The following RYR3 variants were observed in gnomAD, a reference collection of about 807,000 sequenced individuals.
The protein encoded by RYR3 is ryanodine receptor 3.
Under a neutral mutation model 584.3 loss-of-function variants are expected in RYR3, and 207 were observed. The observed-to-expected ratio is 0.35, with a 90% CI of 0.32 to 0.40. RYR3 has a LOEUF of 0.40. RYR3 is among the 10% of genes least tolerant of loss of function. The pLI is 1.00. For synonymous variants in RYR3, 2,416 were observed against 2,248.5 expected, an observed-to-expected ratio of 1.07 and a Z score of -2.11; for missense variants, 5,616 against 6,089.2, an observed-to-expected ratio of 0.92 and a Z score of 2.59.
At chr15:33,658,422 C>T in intron 32 of RYR3, among the ~76,000 whole-genome samples, 1 of 152,202 alleles carries the variant, frequency 6.6e-6, no homozygotes, top group East Asian at 1.9e-4. Flanking sequence ...CTCCAGTCCA[C>T]CAAGATGAAG....
At chr15:33,805,306 G>A (rs2076124580) in intron 69 of RYR3, among the ~76,000 whole-genome samples, 1 of 152,066 alleles carries the variant, frequency 6.6e-6, no homozygotes, top group South Asian at 2.1e-4. Context: ...ATTGTTCAAA[G>A]CCACTCCACC....
chr15:33,434,877 G>T (rs1427879719), intron 1 of RYR3, among the ~76,000 whole-genome samples: 1 of 152,144 alleles, frequency 6.6e-6, no homozygotes, highest in Non-Finnish European at 1.5e-5. Context: ...GAGTGCAGTG[G>T]TGCGATCTTG....
At position 33,844,921 on chromosome 15, in the gene RYR3, T is replaced by C. The variant is rs769087993; in HGVS notation, c.13356T>C (p.Phe4452=). The change falls in exon 93 of 104, where the codon TTT becomes TTC. Residue 4452 remains phenylalanine, a synonymous_variant. Transcript: ENST00000634891. ...ATGTTGCAAACCTATGGAATTCCTT[T>C]AATGACGAGGAAGAGGAAGAAGCGA... is the stretch of plus-strand genomic sequence containing the variant. ...TEDVANLWNS[F]NDEEEEEAMV... is the part of the protein sequence containing the mutation. 3 of 1,614,026 alleles carry C rather than the reference T, an allele frequency of 1.9e-6. No homozygotes were observed. Among genetic ancestry groups the C allele is most frequent in the Non-Finnish European group, 1.7e-6 (2 of 1,179,892 alleles).
chr15:33,835,006 C>G lies in RYR3; in HGVS notation c.11502C>G (p.Ser3834Arg). 1.2e-6 allele frequency: 2 copies of G among 1,614,002 alleles called. No homozygotes were observed. Among genetic ancestry groups the G allele is most frequent in the Non-Finnish European group, 1.7e-6 (2 of 1,179,880 alleles). Residue 3834 changes from serine (S) to arginine (R), a missense_variant, in exon 87 of 104, where the codon AGC becomes AGG. Ser to Arg is a moderately radical substitution (Grantham distance 110). This residue lies in a region of RYR3 where 954 missense variants were observed against 1,132.2 expected (regional missense o/e 0.84). Coordinates refer to ENST00000634891, the MANE Select transcript of RYR3 (RefSeq NM_001036.6). ...GTAATCAACAGAGCCTGGCTCACAG[C>G]AGGCTGTGGGACGCAGTGGTTGGCT... Reference protein sequence around the residue: ...CIGNQQSLAHSRLWDAVVGFL... With the variant: ...CIGNQQSLAHRRLWDAVVGFL...
intron 1 of RYR3, among the ~76,000 whole-genome samples, chr15:33,386,444 CTCAAA>C (rs2041609953): frequency 6.6e-6 from 1 of 152,164 alleles, no homozygotes; most frequent in South Asian, 2.1e-4. Context: ...AGCTGGTGCA[CTCAAA>C]TCAAATTGGA....
At position 33,671,805 on chromosome 15, in the gene RYR3, C is replaced by CTTTTTTTT. The variant is rs56206846; in HGVS notation, c.5860+1266_5860+1273dup. On this transcript the variant is annotated intron_variant, in intron 38 of 103. Coordinates refer to ENST00000634891, the MANE Select transcript of RYR3 (RefSeq NM_001036.6). ...GTTGCTTCTTTCCCACCTTCTTTTT[C>CTTTTTTTT]TTTTTTTTTTTTTTTTTTTTTTTTC... 1.6e-3 allele frequency among the ~76,000 whole-genome samples: 127 copies of CTTTTTTTT among 80,186 alleles called. 1 individual carries two copies. The highest frequency in any genetic ancestry group is 1.9e-3 in the Non-Finnish European group (84 of 43,422). The allele number at this position is 80,186 out of a possible 152,430, so 52.6% of individuals were successfully genotyped here.
chr15:33,827,052 CT>C (rs1036788409), intron 84 of RYR3, 146 bp from the exon 85 acceptor site: 1 of 729,668 alleles, frequency 1.4e-6, no homozygotes, highest in African/African-American at 1.8e-5. Context: ...GAGCAGAGCT[CT>C]GCCCTGCAGG....
chr15:33,749,924 A>C, intron 55 of RYR3, 55 bp from the exon 56 acceptor site: 2 of 1,529,468 alleles, frequency 1.3e-6, no homozygotes, highest in Non-Finnish European at 1.8e-6. Flanking sequence ...GCAGCTATGA[A>C]GCCAGCTTGC....
chr15:33,812,504 A>T (rs1195547188), intron 72 of RYR3, among the ~76,000 whole-genome samples: 9 of 152,216 alleles, frequency 5.9e-5, no homozygotes, highest in African/African-American at 2.2e-4. Flanking sequence ...CATAGTCATT[A>T]TAAAAATAAA....
chr15:33,646,182 G>T, intron 28 of RYR3, 169 bp from the exon 29 acceptor site: 3 of 553,954 alleles, frequency 5.4e-6, no homozygotes, highest in Non-Finnish European at 9.4e-6. Flanking sequence ...TTCTTCCTAC[G>T]GGACAAGGCC....
intron 50 of RYR3, 87 bp downstream of exon 50, chr15:33,738,677 C>A: frequency 6.8e-7 from 1 of 1,477,516 alleles, no homozygotes. Flanking sequence ...GTTTAGCATT[C>A]CATTTGCCAG....
At chr15:33,428,864 A>C (rs887832537) in intron 1 of RYR3, among the ~76,000 whole-genome samples, 10 of 152,214 alleles carry the variant, frequency 6.6e-5, no homozygotes, top group Admixed American at 6.5e-5. Context: ...AGAACTTTTC[A>C]AATACCTGAG....
At chr15:33,322,454 C>T (rs1474084696) in intron 1 of RYR3, among the ~76,000 whole-genome samples, 1 of 152,098 alleles carries the variant, frequency 6.6e-6, no homozygotes, top group Non-Finnish European at 1.5e-5. Flanking sequence ...ATGAGAAATC[C>T]ACAACCATGA....
intron 49 of RYR3, among the ~76,000 whole-genome samples, chr15:33,737,920 C>T (rs2069655959): frequency 1.3e-5 from 2 of 152,024 alleles, no homozygotes; most frequent in African/African-American, 4.8e-5. Context: ...TGTAAAGTCA[C>T]TGGGGTGTGA....
chr15:33,333,066 C>CAAAA lies in RYR3; in HGVS notation c.51+21990_51+21993dup, dbSNP rs1195937254. Among the ~76,000 whole-genome samples, 125 of 55,522 alleles carry CAAAA rather than the reference C, an allele frequency of 2.3e-3. 1 individual carries two copies. Among genetic ancestry groups the CAAAA allele is most frequent in the African/African-American group, 3.5e-3 (46 of 13,104 alleles). The allele number at this position is 55,522 out of a possible 152,430, so 36.4% of individuals were successfully genotyped here. ...AGGCAATAATAAATAGCCTACCAAC[C>CAAAA]AAAAAAAAAAAAAAAAAAAAAAAGC... On this transcript the variant is annotated intron_variant, in intron 1 of 103. Coordinates refer to ENST00000634891, the MANE Select transcript of RYR3 (RefSeq NM_001036.6).
At chr15:33,807,529 T>G (rs1177573320) in intron 69 of RYR3, 26 bp from the exon 70 acceptor site, 1 of 1,551,504 alleles carries the variant, frequency 6.4e-7, no homozygotes. Context: ...TTCTCCTTGT[T>G]TCTTTTCTTT....
chr15:33,570,149 T>C (rs1197296972), intron 12 of RYR3, among the ~76,000 whole-genome samples: 3 of 152,162 alleles, frequency 2.0e-5, no homozygotes, highest in Admixed American at 2.0e-4. Context: ...CTCTTTACCT[T>C]ACTCAAAATC....
intron 77 of RYR3, 46 bp downstream of exon 77, chr15:33,819,853 C>G (rs773127359): frequency 3.5e-6 from 5 of 1,446,038 alleles, no homozygotes; most frequent in Non-Finnish European, 9.5e-7. Flanking sequence ...TCTGTCTTCC[C>G]TTAGATTTCT....
At chr15:33,782,449 C>T (rs953127157) in intron 65 of RYR3, among the ~76,000 whole-genome samples, 5 of 152,188 alleles carry the variant, frequency 3.3e-5, no homozygotes, top group African/African-American at 7.2e-5. Flanking sequence ...TATCCATTAG[C>T]GACACACTAT....
Sources: gnomAD v4.1 joint callset for allele counts (sites outside exome capture counted in the v4.1 genomes callset) on GRCh38, gnomAD v4.1.1 for gene constraint, gnomAD v4.1.1 regional missense constraint, MANE v1.5 for transcripts, NCBI Gene and HGNC (gene_info 2026-07-23, HGNC 2026-07-21) for gene names.